The following PDE11A variants were observed in gnomAD, a reference collection of about 807,000 sequenced individuals.
PDE11A encodes the protein dual 3',5'-cyclic-AMP and -GMP phosphodiesterase 11A.
A neutral mutation model predicts 100.5 loss-of-function variants in PDE11A; 100 were observed. The ratio of observed to expected loss-of-function variants is 1.00; its 90% CI spans 0.85 to 1.18. PDE11A has a LOEUF of 1.18. Among genes scored for constraint, PDE11A ranks in the 50% most tolerant of loss-of-function variants. The probability of loss-of-function intolerance (pLI) is 0.00; values close to 1 mark genes in which losing one functional copy is unlikely to be tolerated. For synonymous variants in PDE11A, 381 were observed against 420.8 expected (o/e 0.91, Z 1.16); for missense variants, 1,141 against 1,152.6 (o/e 0.99, Z 0.15).
At chr2:177,656,375 G>C (rs1443013273) in intron 19 of PDE11A, among the ~76,000 whole-genome samples, 1 of 152,172 alleles carries the variant, frequency 6.6e-6, no homozygotes, top group Non-Finnish European at 1.5e-5. Flanking sequence ...TATAGCCTAG[G>C]TGTGTATTAG....
chr2:177,934,976 G>A (rs2085254496), intron 2 of PDE11A, among the ~76,000 whole-genome samples: 1 of 152,162 alleles, frequency 6.6e-6, no homozygotes, highest in African/African-American at 2.4e-5. Flanking sequence ...GGAGGGGGGA[G>A]TAAGGGTTGA....
intron 2 of PDE11A, among the ~76,000 whole-genome samples, chr2:177,984,068 C>G (rs369197565): frequency 1.3e-5 from 2 of 152,176 alleles, no homozygotes; most frequent in African/African-American, 4.8e-5. Flanking sequence ...AGCTATCAAT[C>G]AATACCAAAA....
chr2:177,901,542 A>C (rs2084698779), intron 3 of PDE11A, among the ~76,000 whole-genome samples: 1 of 152,182 alleles, frequency 6.6e-6, no homozygotes, highest in Non-Finnish European at 1.5e-5. Context: ...ATTATCTCTA[A>C]AGAAAGACTG....
chr2:178,090,609 T>A (rs1275541989), intron 2 of PDE11A, among the ~76,000 whole-genome samples: 1 of 152,206 alleles, frequency 6.6e-6, no homozygotes, highest in East Asian at 1.9e-4. Flanking sequence ...CCATCAGGGT[T>A]GTATAAATCC....
intron 9 of PDE11A, among the ~76,000 whole-genome samples, chr2:177,798,450 C>T (rs542568839): frequency 1.3e-5 from 2 of 152,228 alleles, no homozygotes; most frequent in African/African-American, 4.8e-5. Flanking sequence ...GTGATCCATT[C>T]GTAACATTAA....
chr2:177,675,702 G>A (rs571440972), intron 16 of PDE11A, 184 bp from the exon 17 acceptor site: 54 of 698,544 alleles, frequency 7.7e-5, no homozygotes, highest in East Asian at 2.0e-4. Context: ...ATGTGGCCAC[G>A]CTGCTTAGGA....
intron 19 of PDE11A, among the ~76,000 whole-genome samples, chr2:177,648,411 T>C (rs571067451): frequency 3.3e-5 from 5 of 152,334 alleles, no homozygotes; most frequent in Non-Finnish European, 7.4e-5. Context: ...TAAGAGGGAA[T>C]ATAATAACTT....
intron 1 of PDE11A, among the ~76,000 whole-genome samples, chr2:178,026,057 C>T (rs2086474281): frequency 6.6e-6 from 1 of 152,166 alleles, no homozygotes; most frequent in South Asian, 2.1e-4. Flanking sequence ...GTCAGAAGAA[C>T]AGATCTAACA....
chr2:177,652,717 T>C (rs1012088111), intron 19 of PDE11A, among the ~76,000 whole-genome samples: 2 of 152,148 alleles, frequency 1.3e-5, no homozygotes, highest in African/African-American at 4.8e-5. Flanking sequence ...AGAAAAATCA[T>C]GATGGCACAG....
chr2:177,852,247 C>T (rs898966765), intron 5 of PDE11A, among the ~76,000 whole-genome samples: 1 of 152,174 alleles, frequency 6.6e-6, no homozygotes, highest in Non-Finnish European at 1.5e-5. Context: ...TCTATTTTCT[C>T]ATTACCAAGG....
chr2:177,789,184 T>A (rs1180454153), intron 9 of PDE11A, among the ~76,000 whole-genome samples: 1 of 152,174 alleles, frequency 6.6e-6, no homozygotes, highest in Non-Finnish European at 1.5e-5. Flanking sequence ...AAAAAGCTTA[T>A]GCACCATGAT....
Position 177,782,922 on chromosome 2 carries a change from A to AAAACAAAC in PDE11A, c.1738-13557_1738-13550dup, listed in dbSNP as rs57261659. Among the ~76,000 whole-genome samples, 335 of 150,448 alleles carry AAAACAAAC rather than the reference A, an allele frequency of 2.2e-3. 2 individuals are homozygous for AAAACAAAC. Among genetic ancestry groups the AAAACAAAC allele is most frequent in the African/African-American group, 7.0e-3 (284 of 40,842 alleles). ...AAAAGACAAATTATGAAGTTGCATC[A>AAAACAAAC]AAACAAACAAACAAACAAACAAACA... On this transcript the variant is annotated intron_variant, in intron 9 of 19. Transcript: ENST00000286063.
intron 16 of PDE11A, among the ~76,000 whole-genome samples, chr2:177,677,346 G>A (rs2080791535): frequency 1.3e-5 from 2 of 152,180 alleles, no homozygotes; most frequent in Admixed American, 6.5e-5. Context: ...ACTTGCACAA[G>A]GTTGTACAGT....
chr2:178,009,434 A>C (rs1486167799), intron 2 of PDE11A, among the ~76,000 whole-genome samples: 3 of 152,224 alleles, frequency 2.0e-5, no homozygotes, highest in African/African-American at 7.2e-5. Flanking sequence ...AATTATTAAT[A>C]TGTGAATATA....
intron 9 of PDE11A, among the ~76,000 whole-genome samples, chr2:177,770,835 G>A (rs2082301622): frequency 6.6e-6 from 1 of 152,128 alleles, no homozygotes; most frequent in South Asian, 2.1e-4. Flanking sequence ...GTTTGTTGTG[G>A]TTTTGTTTTT....
chr2:177,641,461 G>T (rs914833479), intron 19 of PDE11A, among the ~76,000 whole-genome samples: 1 of 150,196 alleles, frequency 6.7e-6, no homozygotes, highest in East Asian at 2.0e-4. Context: ...CACATGGTGC[G>T]TTTGGCAGGA....
At chr2:177,894,977 A>G (rs2084587402) in intron 4 of PDE11A, among the ~76,000 whole-genome samples, 1 of 152,140 alleles carries the variant, frequency 6.6e-6, no homozygotes, top group Non-Finnish European at 1.5e-5. Context: ...GTATAAAACC[A>G]AACTGTGATC....
At chr2:177,879,056 C>T (rs1254384764) in intron 4 of PDE11A, among the ~76,000 whole-genome samples, 3 of 151,944 alleles carry the variant, frequency 2.0e-5, no homozygotes, top group African/African-American at 7.3e-5. Context: ...TTAAATTCTC[C>T]AATATTAATA....
intron 2 of PDE11A, among the ~76,000 whole-genome samples, chr2:177,947,796 A>AT (rs1324042260): frequency 8.6e-4 from 6 of 6,988 alleles, no homozygotes; most frequent in South Asian, 0.11. Context: ...AAAAAAATAA[A>AT]AAAAAAATAA....
Sources: allele counts gnomAD v4.1 joint callset (sites outside exome capture counted in the v4.1 genomes callset), GRCh38; gene constraint gnomAD v4.1.1; transcripts MANE v1.5; gene names NCBI Gene and HGNC (gene_info 2026-07-23, HGNC 2026-07-21).